AVEN: variants seen among roughly 807,000 people sequenced by gnomAD.
AVEN encodes cell death regulator Aven.
A neutral mutation model predicts 38.1 loss-of-function variants in AVEN; 41 were observed. That is an observed-to-expected ratio of 1.08 (90% CI 0.84 to 1.40). The LOEUF is 1.40. Ranked by LOEUF, AVEN falls within the 40% of genes most tolerant of loss-of-function variation. The pLI is 0.00. For missense variants in AVEN, 605 were observed against 438.8 expected (o/e 1.38, Z -3.38); for synonymous variants, 206 against 171.8 (o/e 1.20, Z -1.56).
At chr15:34,071,175 A>C (rs1900617182) in intron 1 of AVEN, among the ~76,000 whole-genome samples, 1 of 152,152 alleles carries the variant, frequency 6.6e-6, no homozygotes, top group Non-Finnish European at 1.5e-5. Context: ...GCATGAATGG[A>C]TCTTTAGTGG....
rs549698976 is a variant in AVEN, at chr15:33,937,736, T to C, written c.446-61741A>G. Among the ~76,000 whole-genome samples the C allele has an allele frequency of 2.0e-5, 3 of 152,032 alleles. No individual in the cohort carries two copies. In the East Asian group the frequency reaches 5.8e-4, roughly 29 times the overall value. ...GACACCAGAGAGTTTCCTCACTATTTCTGCCCTGTGAGCACAGGGAGAATG... is the reference window on the plus strand; with the variant it reads ...GACACCAGAGAGTTTCCTCACTATTCCTGCCCTGTGAGCACAGGGAGAATG... On this transcript the variant is annotated intron_variant, in intron 2 of 5. Coordinates refer to ENST00000306730, the MANE Select transcript of AVEN (RefSeq NM_020371.3).
chr15:33,918,895 C>T (rs971186828), intron 2 of AVEN, among the ~76,000 whole-genome samples: 5 of 150,748 alleles, frequency 3.3e-5, no homozygotes, highest in African/African-American at 1.2e-4. Context: ...TCATCAAACA[C>T]ATGAAATAGC....
At chr15:33,952,965 C>T (rs966146513) in intron 2 of AVEN, among the ~76,000 whole-genome samples, 3 of 151,768 alleles carry the variant, frequency 2.0e-5, no homozygotes, top group Admixed American at 1.3e-4. Context: ...AATCAGTGTG[C>T]AAAAATCACA....
At chr15:33,917,594 T>C (rs1170591196) in intron 2 of AVEN, among the ~76,000 whole-genome samples, 2 of 151,496 alleles carry the variant, frequency 1.3e-5, no homozygotes, top group Non-Finnish European at 2.9e-5. Flanking sequence ...GAATACTACA[T>C]ATATATACAC....
intron 2 of AVEN, among the ~76,000 whole-genome samples, chr15:33,981,332 C>T (rs1261822403): frequency 3.3e-5 from 5 of 152,104 alleles, no homozygotes; most frequent in Non-Finnish European, 5.9e-5. Context: ...AGCACTCCTG[C>T]GTACTAATAT....
chr15:34,033,204 T>G (rs1898943500), intron 1 of AVEN, among the ~76,000 whole-genome samples: 1 of 152,170 alleles, frequency 6.6e-6, no homozygotes, highest in Non-Finnish European at 1.5e-5. Context: ...AAGTTTTACC[T>G]TTATGTTTAA....
chr15:33,857,306 G>A (rs1026687826), downstream of AVEN, among the ~76,000 whole-genome samples: 9 of 151,968 alleles, frequency 5.9e-5, no homozygotes, highest in African/African-American at 1.5e-4. Flanking sequence ...GCACCCTCTC[G>A]CTGCCGCTTC....
chr15:33,857,751 T>G (rs1278017079), downstream of AVEN: 1 of 1,613,222 alleles, frequency 6.2e-7, no homozygotes. Flanking sequence ...ACCCCACTCC[T>G]TTTCCTTTCT....
chr15:33,888,441 G>A (rs1461894663), intron 2 of AVEN, among the ~76,000 whole-genome samples: 1 of 152,150 alleles, frequency 6.6e-6, no homozygotes, highest in African/African-American at 2.4e-5. Context: ...GAAGGAGATG[G>A]TAACTAAAAG....
downstream of AVEN, chr15:33,865,215 C>A: frequency 3.1e-6 from 5 of 1,612,442 alleles, no homozygotes; most frequent in Non-Finnish European, 3.4e-6. Flanking sequence ...ATATGAAGAT[C>A]AGCTTGGATA....
chr15:33,857,771 C>A, downstream of AVEN: 2 of 1,614,006 alleles, frequency 1.2e-6, no homozygotes, highest in Non-Finnish European at 1.7e-6. Context: ...TCTGTCCTCT[C>A]ATTCCCAGTT....
intron 1 of AVEN, among the ~76,000 whole-genome samples, chr15:34,017,876 A>C (rs999162104): frequency 3.9e-5 from 6 of 152,176 alleles, no homozygotes; most frequent in African/African-American, 1.2e-4. Flanking sequence ...CCATATTTAC[A>C]ACAGTGGTCC....
chr15:33,865,102 A>ACAAAAACAAACTGGGTTTTAGCTTT, downstream of AVEN: 1 of 1,564,458 alleles, frequency 6.4e-7, no homozygotes. Flanking sequence ...TGGTTTAAAA[A>ACAAAAACAAACTGGGTTTTAGCTTT]TAAGCACCCG....
chr15:33,960,046 C>T (rs574267472), intron 2 of AVEN, among the ~76,000 whole-genome samples: 2 of 152,250 alleles, frequency 1.3e-5, no homozygotes, highest in South Asian at 2.1e-4. Flanking sequence ...AGGGCCTTGT[C>T]GGATGACCCT....
At chr15:33,886,356 G>T (rs1203036076) in intron 2 of AVEN, among the ~76,000 whole-genome samples, 1 of 152,162 alleles carries the variant, frequency 6.6e-6, no homozygotes, top group African/African-American at 2.4e-5. Flanking sequence ...AGGCTGGAGT[G>T]TACTGGCACT....
chr15:33,995,873 G>A (rs532086413), intron 2 of AVEN, among the ~76,000 whole-genome samples: 89 of 152,342 alleles, frequency 5.8e-4, no homozygotes, highest in African/African-American at 2.0e-3. Context: ...GAAGCGGGGC[G>A]GGGCGCTGCC....
chr15:33,944,682 G>A (rs542296429), intron 2 of AVEN, among the ~76,000 whole-genome samples: 7 of 152,042 alleles, frequency 4.6e-5, no homozygotes, highest in South Asian at 2.1e-4. Context: ...GGTGGCCGGC[G>A]CCTGTAGTCC....
chr15:33,897,302 A>T (rs112354992), intron 2 of AVEN, among the ~76,000 whole-genome samples: 124,446 of 151,928 alleles, frequency 0.82, 55,070 homozygotes, highest in Non-Finnish European at 0.98. Context: ...TTAATTAATT[A>T]ATTTATTTAT....
At chr15:33,893,365 T>C (rs538346230) in intron 2 of AVEN, among the ~76,000 whole-genome samples, 66 of 152,208 alleles carry the variant, frequency 4.3e-4, no homozygotes, top group African/African-American at 1.5e-3. Context: ...TCCACAGAAA[T>C]TTTAACATGT....
Sources: allele counts gnomAD v4.1 joint callset (sites outside exome capture counted in the v4.1 genomes callset), GRCh38; gene constraint gnomAD v4.1.1; transcripts MANE v1.5; gene names NCBI Gene and HGNC (gene_info 2026-07-23, HGNC 2026-07-21).